The following GRAMD4 variants were observed in gnomAD, a reference collection of about 807,000 sequenced individuals.
GRAMD4 encodes GRAM domain-containing protein 4.
In GRAMD4, 25 loss-of-function variants were observed where a neutral mutation model predicts 83.9. The ratio of observed to expected loss-of-function variants is 0.30; its 90% confidence interval spans 0.22 to 0.42. GRAMD4 has a LOEUF of 0.42. GRAMD4 is among the 10% of genes least tolerant of loss of function. The pLI, the probability that GRAMD4 is intolerant of heterozygous loss-of-function variation, is 1.00. For missense variants in GRAMD4, 593 were observed against 788.7 expected, an observed-to-expected ratio of 0.75 and a Z score of 2.97; for synonymous variants, 336 against 320.9, an observed-to-expected ratio of 1.05 and a Z score of -0.50.
chr22:46,642,331 G>T (rs2081985056), intron 3 of GRAMD4, among the ~76,000 whole-genome samples: 2 of 152,248 alleles, frequency 1.3e-5, no homozygotes, highest in Non-Finnish European at 1.5e-5. Context: ...GGCCGCTGGT[G>T]ACCTGTCGTG....
At chr22:46,675,875 G>A (rs767841193) in intron 17 of GRAMD4, among the ~76,000 whole-genome samples, 2 of 152,206 alleles carry the variant, frequency 1.3e-5, no homozygotes, top group Admixed American at 6.5e-5. Context: ...AAGCACAGGG[G>A]CCCTGAGCCC....
intron 1 of GRAMD4, among the ~76,000 whole-genome samples, chr22:46,607,711 A>T (rs1453079855): frequency 1.3e-5 from 2 of 152,162 alleles, no homozygotes; most frequent in African/African-American, 2.4e-5. Context: ...GCCTCTTCCA[A>T]CCATTGGCCA....
chr22:46,642,324 C>T (rs1007817341), intron 3 of GRAMD4, among the ~76,000 whole-genome samples: 1 of 152,188 alleles, frequency 6.6e-6, no homozygotes, highest in Non-Finnish European at 1.5e-5. Flanking sequence ...CATTGATGGC[C>T]GCTGGTGACC....
upstream of GRAMD4, chr22:46,577,018 G>A (rs1374006362): frequency 1.4e-5 from 2 of 146,136 alleles, no homozygotes; most frequent in African/African-American, 4.9e-5. Flanking sequence ...GGGGTGGCGC[G>A]CGGGGCGCGG....
In GRAMD4 at chr22:46,663,027, C is replaced by A. The variant is rs779745235; in HGVS notation, c.467-13C>A. ...GCCCTGCCGTGCCCTCACCGGGTCC[C>A]TGCCCCCTGCAGAGCGCCGGAGCCA... On this transcript the variant is annotated splice_polypyrimidine_tract_variant and intron_variant, in intron 5 of 18. Transcript: ENST00000406902. 3 of 1,599,318 alleles carry A rather than the reference C, an allele frequency of 1.9e-6. No individual in the cohort carries two copies.
intron 3 of GRAMD4, among the ~76,000 whole-genome samples, chr22:46,646,723 T>C (rs1255462874): frequency 2.0e-5 from 3 of 152,206 alleles, no homozygotes; most frequent in Non-Finnish European, 4.4e-5. Context: ...GCTCTTACAG[T>C]TTCTCTGGTG....
intron 3 of GRAMD4, among the ~76,000 whole-genome samples, chr22:46,652,399 G>T (rs1057436687): frequency 7.9e-5 from 12 of 152,174 alleles, no homozygotes. Flanking sequence ...CCCTGCCCAC[G>T]CCATGAGCTC....
chr22:46,675,277 CAGAGCAGTGGCCGTGAGTGTCTCATAT>C (rs936283928), intron 16 of GRAMD4, among the ~76,000 whole-genome samples, 164 bp from the exon 17 acceptor site: 4 of 152,148 alleles, frequency 2.6e-5, no homozygotes, highest in African/African-American at 9.6e-5. Flanking sequence ...GTGTTTCACA[CAGAGCAGTGGCCGTGAGTGTCTCATAT>C]AGAGCAGTGG....
At chr22:46,635,043 C>T (rs1413606732) in intron 2 of GRAMD4, among the ~76,000 whole-genome samples, 2 of 152,136 alleles carry the variant, frequency 1.3e-5, no homozygotes, top group Non-Finnish European at 1.5e-5. Flanking sequence ...TGTCCTTCGT[C>T]CCTTTGTGGT....
chr22:46,613,315 C>G (rs1361671030), intron 1 of GRAMD4, among the ~76,000 whole-genome samples: 1 of 152,232 alleles, frequency 6.6e-6, no homozygotes, highest in African/African-American at 2.4e-5. Flanking sequence ...CCACTGCATG[C>G]CTGTGCTTGA....
intron 3 of GRAMD4, among the ~76,000 whole-genome samples, chr22:46,641,218 A>G (rs201302862): frequency 6.6e-6 from 1 of 152,078 alleles, no homozygotes; most frequent in Non-Finnish European, 1.5e-5. Context: ...GATTACAGGC[A>G]CGCACCTCCA....
rs140040492 is a variant in GRAMD4 at position 46,611,586 on chromosome 22, G to A, written c.-49-15165G>A. 3.6e-3 allele frequency among the ~76,000 whole-genome samples: 547 copies of A among 152,216 alleles called. 2 individuals are homozygous for A. Among genetic ancestry groups the A allele is most frequent in the African/African-American group, 0.012 (507 of 41,514 alleles). On this transcript the variant is annotated intron_variant, in intron 1 of 1. Coordinates refer to the GRAMD4 transcript ENST00000431155. ...ACACTGGTGGGAGCTTGTCACTCTC[G>A]TCCTTTCATCCTGCTTTGTACACTC...
At chr22:46,671,119 A>T (rs1458667092) in intron 13 of GRAMD4, 6 of 469,136 alleles carry the variant, frequency 1.3e-5, no homozygotes, top group Non-Finnish European at 2.2e-5. Context: ...CCCAGCTGGG[A>T]CTTGGGCTCT....
intron 1 of GRAMD4, among the ~76,000 whole-genome samples, chr22:46,586,083 G>A (rs1569245115): frequency 6.6e-6 from 1 of 152,044 alleles, no homozygotes; most frequent in Non-Finnish European, 1.5e-5. Flanking sequence ...GGAAGCAGGT[G>A]GAATTGGCCT....
Position 46,672,740 on chromosome 22 carries a change from A to G in GRAMD4, c.1085-103A>G. On this transcript the variant is annotated intron_variant, in intron 13 of 18. Transcript: ENST00000406902. The surrounding 1 kb of genome is among the most constrained non-coding windows in gnomAD (Gnocchi z 4.7). The stretch of plus-strand genomic sequence containing the variant: ...ACTCTCACATCCAGGCTCAGGGTGG[A>G]GGGTGCCAATCTGGGAGGTGGGAGG... 1 of 846,782 alleles carries G rather than the reference A, an allele frequency of 1.2e-6. No homozygotes were observed. The highest frequency in any genetic ancestry group is 1.9e-6 in the Non-Finnish European group (1 of 523,764). 52.5% of individuals were successfully genotyped at this position (846,782 alleles called of 1,614,324 possible).
Position 46,674,491 on chromosome 22 carries a change from T to C in GRAMD4, c.1385-166T>C. ...GAGGAAACATCTGTTTTCCACCCTCTGGGGCCACCTCACTCTTGCCGGCGC... is the reference window on the plus strand; with the variant it reads ...GAGGAAACATCTGTTTTCCACCCTCCGGGGCCACCTCACTCTTGCCGGCGC... On this transcript the variant is annotated intron_variant, in intron 15 of 18. Coordinates refer to ENST00000406902, the MANE Select transcript of GRAMD4 (RefSeq NM_015124.5). 3 of 659,450 alleles carry C rather than the reference T, an allele frequency of 4.5e-6. No individual in the cohort carries two copies. In the East Asian group the frequency reaches 8.0e-5, roughly 17 times the overall value. 40.8% of individuals were successfully genotyped at this position (659,450 alleles called of 1,614,324 possible).
At chr22:46,595,344 A>T (rs1235731431) in intron 1 of GRAMD4, among the ~76,000 whole-genome samples, 1 of 152,114 alleles carries the variant, frequency 6.6e-6, no homozygotes, top group Non-Finnish European at 1.5e-5. Context: ...CTCTGGACAT[A>T]GTGTCTCTTC....
In GRAMD4 at chr22:46,668,088, T is replaced by C. The variant is rs775750193; in HGVS notation, c.859-8T>C. 2.5e-6 allele frequency: 4 copies of C among 1,597,608 alleles called. No individual in the cohort carries two copies. Among genetic ancestry groups the C allele is most frequent in the South Asian group, 2.2e-5 (2 of 90,696 alleles). On this transcript the variant is annotated splice_region_variant and splice_polypyrimidine_tract_variant and intron_variant, in intron 10 of 18. Transcript: ENST00000406902. ...CAGTGGAAAATTCTCTTTCCCCTTT[T>C]ACTGAAGGAACCTCCAAAGGAAGAC...
chr22:46,598,437 A>G (rs1444808697), intron 1 of GRAMD4, among the ~76,000 whole-genome samples: 1 of 152,148 alleles, frequency 6.6e-6, no homozygotes, highest in Admixed American at 6.5e-5. Flanking sequence ...GTTTGTTGCC[A>G]GAGGATTCTA....
Sources: gnomAD v4.1 joint callset for allele counts (sites outside exome capture counted in the v4.1 genomes callset) on GRCh38, gnomAD v4.1.1 for gene constraint, Gnocchi (gnomAD v3.1) non-coding constraint, MANE v1.5 for transcripts, NCBI Gene and HGNC (gene_info 2026-07-23, HGNC 2026-07-21) for gene names.